The following PTPRZ1 variants were observed in gnomAD, a reference collection of about 807,000 sequenced individuals.
PTPRZ1 encodes protein tyrosine phosphatase receptor type Z1.
A neutral mutation model predicts 214.1 loss-of-function variants in PTPRZ1; 82 were observed. That is an observed-to-expected ratio of 0.38 (90% CI 0.32 to 0.46). The LOEUF (loss-of-function observed/expected upper bound fraction) is 0.46. Ranked by LOEUF, PTPRZ1 falls within the 20% of genes least tolerant of loss-of-function variation. PTPRZ1 has a pLI of 1.00. For synonymous variants in PTPRZ1, 945 were observed against 987.9 expected, an observed-to-expected ratio of 0.96 and a Z score of 0.81; for missense variants, 2,603 against 2,748.7, an observed-to-expected ratio of 0.95 and a Z score of 1.19.
At chr7:121,874,755 T>A (rs1467885666) in intron 1 of PTPRZ1, among the ~76,000 whole-genome samples, 1 of 152,160 alleles carries the variant, frequency 6.6e-6, no homozygotes, top group African/African-American at 2.4e-5. Context: ...CTTGGGGTGG[T>A]GTGATGCATA....
chr7:121,932,460 A>G (rs1190967985), intron 2 of PTPRZ1, among the ~76,000 whole-genome samples: 1 of 152,168 alleles, frequency 6.6e-6, no homozygotes, highest in Non-Finnish European at 1.5e-5. Context: ...GGCTTGAGGA[A>G]ATTGGACTTG....
At chr7:121,928,579 G>T (rs1437334455) in intron 2 of PTPRZ1, among the ~76,000 whole-genome samples, 1 of 152,130 alleles carries the variant, frequency 6.6e-6, no homozygotes, top group Non-Finnish European at 1.5e-5. Context: ...ACTTGTCACA[G>T]AGCCTGCTTC....
chr7:121,920,471 T>C (rs1405361843), intron 1 of PTPRZ1, among the ~76,000 whole-genome samples: 1 of 152,194 alleles, frequency 6.6e-6, no homozygotes, highest in African/African-American at 2.4e-5. Flanking sequence ...TTTTAGCTCG[T>C]TCCTTTAATT....
chr7:121,907,090 A>G (rs1014688202), intron 1 of PTPRZ1, among the ~76,000 whole-genome samples: 9 of 152,124 alleles, frequency 5.9e-5, no homozygotes, highest in African/African-American at 1.2e-4. Context: ...AACACTATTC[A>G]TAGAGTTCAA....
At chr7:121,973,641 A>T (rs1188070103) in intron 4 of PTPRZ1, among the ~76,000 whole-genome samples, 2 of 152,180 alleles carry the variant, frequency 1.3e-5, no homozygotes, top group Non-Finnish European at 2.9e-5. Context: ...TACTCATAAA[A>T]GTAATTGAGG....
Position 121,951,884 on chromosome 7 carries a change from T to C in PTPRZ1, c.125-16067T>C, listed in dbSNP as rs547396540. On this transcript the variant is annotated intron_variant, in intron 2 of 29. Coordinates refer to ENST00000393386, the MANE Select transcript of PTPRZ1 (RefSeq NM_002851.3). ...AATATACTGTTACTGAATAGACTGT[T>C]AGAGAATCTTCCCCTGGGCTGAAAA... Among the ~76,000 whole-genome samples, 14 of 152,336 alleles carry C rather than the reference T, an allele frequency of 9.2e-5. No homozygotes were observed. The East Asian group carries it at 2.5e-3, about 27-fold the overall frequency.
At chr7:121,905,963 C>T (rs904122502) in intron 1 of PTPRZ1, among the ~76,000 whole-genome samples, 1 of 152,108 alleles carries the variant, frequency 6.6e-6, no homozygotes, top group Non-Finnish European at 1.5e-5. Flanking sequence ...TTTCAACTGC[C>T]TCCACTAAAC....
intron 23 of PTPRZ1, among the ~76,000 whole-genome samples, chr7:122,047,400 T>TA (rs892624403): frequency 1.1e-4 from 16 of 152,104 alleles, no homozygotes; most frequent in Non-Finnish European, 1.6e-4. Context: ...AGAGCTTCTT[T>TA]AAAAACTAAT....
chr7:121,902,034 T>A lies in PTPRZ1; in HGVS notation c.59-26122T>A, dbSNP rs551985194. Among the ~76,000 whole-genome samples, 33 of 152,260 alleles carry A rather than the reference T, an allele frequency of 2.2e-4. No individual in the cohort carries two copies. In the South Asian group the frequency reaches 6.8e-3, roughly 32 times the overall value. ...TGTCCCCGCTACTCTCACCAGCAGG[T>A]AGTCACTCTTCTACTCTCTACTTCT... On this transcript the variant is annotated intron_variant, in intron 1 of 29. Transcript: ENST00000393386.
At chr7:121,908,353 C>CTCGGTGGTCGCCG in intron 1 of PTPRZ1, 11 of 312,178 alleles carry the variant, frequency 3.5e-5, no homozygotes, top group South Asian at 5.7e-5. Flanking sequence ...ATGTGTAGAT[C>CTCGGTGGTCGCCG]AATCCCTTTG....
chr7:121,887,942 G>A (rs752217632), intron 1 of PTPRZ1, among the ~76,000 whole-genome samples: 22 of 152,052 alleles, frequency 1.4e-4, no homozygotes, highest in Non-Finnish European at 2.6e-4. Context: ...CCAAGAACAA[G>A]ATCTGAGATA....
At chr7:122,047,941 A>T (rs1792052049) in intron 23 of PTPRZ1, among the ~76,000 whole-genome samples, 1 of 152,164 alleles carries the variant, frequency 6.6e-6, no homozygotes, top group African/African-American at 2.4e-5. Flanking sequence ...GCCATGAGCC[A>T]CTGCACCTGG....
chr7:121,954,990 G>A (rs901674628), intron 2 of PTPRZ1, among the ~76,000 whole-genome samples: 1 of 152,164 alleles, frequency 6.6e-6, no homozygotes, highest in African/African-American at 2.4e-5. Context: ...ACTCAAATAG[G>A]AATCAAGCCA....
intron 2 of PTPRZ1, 134 bp from the exon 3 acceptor site, chr7:121,967,817 T>C: frequency 1.6e-6 from 1 of 611,106 alleles, no homozygotes; most frequent in Non-Finnish European, 2.8e-6. Context: ...AATTATTTCA[T>C]GCATTAGTTC....
At chr7:122,039,177 G>T (rs1799638357) in intron 19 of PTPRZ1, among the ~76,000 whole-genome samples, 1 of 152,158 alleles carries the variant, frequency 6.6e-6, no homozygotes, top group Non-Finnish European at 1.5e-5. Flanking sequence ...ACAGGACATG[G>T]ATTTTAGTCT....
intron 1 of PTPRZ1, among the ~76,000 whole-genome samples, chr7:121,903,969 C>CACACAG (rs149922717): frequency 0.13 from 18,721 of 142,136 alleles, 1,288 homozygotes; most frequent in South Asian, 0.26. Context: ...TTAAATCTCA[C>CACACAG]ACACACACAC....
At chr7:121,886,242 G>C (rs1278194383) in intron 1 of PTPRZ1, among the ~76,000 whole-genome samples, 2 of 152,130 alleles carry the variant, frequency 1.3e-5, no homozygotes, top group Non-Finnish European at 2.9e-5. Flanking sequence ...GTTTCAGTGA[G>C]AAAATATTAA....
chr7:122,033,391 A>G (rs550238714), intron 15 of PTPRZ1, among the ~76,000 whole-genome samples: 58 of 151,632 alleles, frequency 3.8e-4, no homozygotes, highest in African/African-American at 1.4e-3. Flanking sequence ...TTATTTTATT[A>G]TATAATACTA....
chr7:121,887,694 G>A (rs1335189003), intron 1 of PTPRZ1, among the ~76,000 whole-genome samples: 1 of 152,112 alleles, frequency 6.6e-6, no homozygotes, highest in Non-Finnish European at 1.5e-5. Flanking sequence ...CCAGAAACAC[G>A]AGAGAAAGAG....
Sources: gnomAD v4.1 joint callset for allele counts (sites outside exome capture counted in the v4.1 genomes callset) on GRCh38, gnomAD v4.1.1 for gene constraint, MANE v1.5 for transcripts, NCBI Gene and HGNC (gene_info 2026-07-23, HGNC 2026-07-21) for gene names.